The following YBX1 variants were observed in gnomAD, a reference collection of about 807,000 sequenced individuals.
The protein encoded by YBX1 is Y-box binding protein 1.
In YBX1, 3 loss-of-function variants were observed where a neutral mutation model predicts 41.4. That is an observed-to-expected ratio of 0.07 (90% CI 0.03 to 0.19). YBX1 has a LOEUF of 0.19. Among genes scored for constraint, YBX1 ranks in the 10% least tolerant of loss-of-function variants. The probability of loss-of-function intolerance (pLI) is 1.00; values close to 1 mark genes in which losing one functional copy is unlikely to be tolerated. For synonymous variants in YBX1, 133 were observed against 165.8 expected, an observed-to-expected ratio of 0.80 and a Z score of 1.52; for missense variants, 274 against 462.8, an observed-to-expected ratio of 0.59 and a Z score of 3.74.
chr1:42,683,612 G>A (rs1047025760), intron 2 of YBX1, 146 bp downstream of exon 2: 1 of 873,218 alleles, frequency 1.1e-6, no homozygotes, highest in Non-Finnish European at 1.8e-6. Flanking sequence ...ATTTTTTGTT[G>A]TTGTTGTTTT....
At position 42,700,819 on chromosome 1, in the gene YBX1, A is replaced by G. The variant is rs549700721; in HGVS notation, c.779A>G (p.Asn260Ser). 1.2e-6 allele frequency: 2 copies of G among 1,612,318 alleles called. No individual in the cohort carries two copies. The highest frequency in any genetic ancestry group is 2.2e-5 in the East Asian group (1 of 44,864). ...CAAAGACAGCCTAGAGAGGACGGCA[A>G]TGAAGAAGATAAAGAAAATCAAGGA... ...PRQRQPREDG[N>S]EEDKENQGDE... The change falls in exon 7 of 8, where the codon AAT becomes AGT. Residue 260 changes from asparagine (N) to serine (S), a missense_variant. Around this residue, in one of 3 missense-constraint regions of YBX1, gnomAD observed 187 missense variants for 306.3 expected, o/e 0.61. Transcript: ENST00000321358.
At position 42,682,719 on chromosome 1, in the gene YBX1, A is replaced by G; in HGVS notation, c.154A>G (p.Lys52Glu). 1 of 1,237,404 alleles carries G rather than the reference A, an allele frequency of 8.1e-7. No individual in the cohort carries two copies. Among genetic ancestry groups the G allele is most frequent in the Non-Finnish European group, 1.0e-6 (1 of 995,916 alleles). 76.7% of individuals were successfully genotyped at this position (1,237,404 alleles called of 1,614,324 possible). ...ATCGGCGGCGCCTGCCGGCGGGGAC[A>G]AGAAGGTCATCGGTGAGGACCGGAC... ...LTSAAPAGGD[K>E]KVIATKVLGT... The change falls in exon 1 of 8, where the codon AAG becomes GAG. Residue 52 changes from lysine (K) to glutamate (E), a missense_variant. By Grantham distance (56) the Lys-to-Glu change is moderately conservative. Transcript: ENST00000321358.
chr1:42,691,938 CCTCCTAG>C (rs1299364564), intron 2 of YBX1, among the ~76,000 whole-genome samples: 1 of 152,116 alleles, frequency 6.6e-6, no homozygotes, highest in Non-Finnish European at 1.5e-5. Context: ...GTAACCTCCG[CCTCCTAG>C]CTTCAAGCAA....
intron 7 of YBX1, 77 bp downstream of exon 7, chr1:42,701,123 A>G: frequency 1.9e-6 from 2 of 1,049,944 alleles, no homozygotes; most frequent in Non-Finnish European, 2.8e-6. Flanking sequence ...GCAAGAGTAG[A>G]AAAACCTCAG....
chr1:42,682,863 C>A (rs927964461), intron 1 of YBX1, 132 bp downstream of exon 1: 5 of 381,094 alleles, frequency 1.3e-5, no homozygotes, highest in African/African-American at 2.2e-5. Flanking sequence ...GCCCATCCCC[C>A]CCGTCCCCCC....
At chr1:42,688,502 A>G (rs898633038) in intron 2 of YBX1, among the ~76,000 whole-genome samples, 2 of 152,210 alleles carry the variant, frequency 1.3e-5, no homozygotes, top group African/African-American at 4.8e-5. Flanking sequence ...CTGTAGTAAT[A>G]TTGTACTATT....
At chr1:42,685,263 A>C (rs983993345) in intron 2 of YBX1, among the ~76,000 whole-genome samples, 1 of 152,154 alleles carries the variant, frequency 6.6e-6, no homozygotes, top group Non-Finnish European at 1.5e-5. Flanking sequence ...TGTTCATTGA[A>C]TATCTCTATT....
Position 42,703,170 on chromosome 1 carries a change from C to T in YBX1, c.*1221C>T, listed in dbSNP as rs532065098. On this transcript the variant is annotated 3_prime_UTR_variant, in exon 8 of 8. Transcript: ENST00000321358. Reference sequence around the variant, plus strand: ...TGATCTCTTGACCTTGTGATCCGCCCGCCTCAGCCTCCCAAAGTGCTGGGA... The same window carrying T: ...TGATCTCTTGACCTTGTGATCCGCCTGCCTCAGCCTCCCAAAGTGCTGGGA... Among the ~76,000 whole-genome samples the T allele has an allele frequency of 5.6e-4, 85 of 152,200 alleles. No homozygotes were observed. Among genetic ancestry groups the T allele is most frequent in the African/African-American group, 1.8e-3 (76 of 41,532 alleles).
intron 3 of YBX1, among the ~76,000 whole-genome samples, chr1:42,694,644 A>G (rs765792166): frequency 1.3e-5 from 2 of 152,238 alleles, no homozygotes; most frequent in South Asian, 4.1e-4. Context: ...GGAGGAAGCT[A>G]TATCAATTTC....
intron 6 of YBX1, among the ~76,000 whole-genome samples, 190 bp downstream of exon 6, chr1:42,697,452 T>A (rs1158483245): frequency 6.6e-6 from 1 of 152,230 alleles, no homozygotes. Flanking sequence ...TAAATTTTTT[T>A]AGAAAATGAT....
In YBX1 at chr1:42,682,459, C is replaced by T. The variant is rs1446284118; in HGVS notation, c.-107C>T. On this transcript the variant is annotated 5_prime_UTR_variant, in exon 1 of 8. Transcript: ENST00000321358. ...TCGGTAGCGGGAGCGGAGAGCGGAC[C>T]CCAGAGAGCCCTGAGCAGCCCCACC... The T allele has an allele frequency of 3.2e-6, 4 of 1,239,100 alleles. No individual in the cohort carries two copies. The highest frequency in any genetic ancestry group is 4.1e-6 in the Non-Finnish European group (4 of 970,052). 76.8% of individuals were successfully genotyped at this position (1,239,100 alleles called of 1,614,324 possible).
rs1364938926 is a variant in YBX1, at chr1:42,703,401, A to G, written c.*1452A>G. Among the ~76,000 whole-genome samples, 1 of 152,052 alleles carries G rather than the reference A, an allele frequency of 6.6e-6. No homozygotes were observed. Among genetic ancestry groups the G allele is most frequent in the East Asian group, 1.9e-4 (1 of 5,178 alleles). On this transcript the variant is annotated 3_prime_UTR_variant, in exon 8 of 8. Transcript: ENST00000321358. ...AGTAGGCCAGAGTGGCACATCAGGAATCCTGCAGTGCTGTGGAAGTCATCT... is the reference window on the plus strand; with the variant it reads ...AGTAGGCCAGAGTGGCACATCAGGAGTCCTGCAGTGCTGTGGAAGTCATCT...
chr1:42,700,995 G>C lies in YBX1; in HGVS notation c.955G>C (p.Glu319Gln). The C allele has an allele frequency of 1.9e-6, 3 of 1,614,174 alleles. No homozygotes were observed. Among genetic ancestry groups the C allele is most frequent in the Non-Finnish European group, 2.5e-6 (3 of 1,180,038 alleles). ...PAENSSAPEA[E>Q]QGGAE ...TGAGAATTCGTCCGCTCCCGAGGCT[G>C]AGCAGGGCGGGGCTGAGTAAATGCC... The change falls in exon 7 of 8, where the codon GAG becomes CAG. Residue 319 changes from glutamate (E) to glutamine (Q), a missense_variant. Physicochemically the swap from Glu to Gln is conservative, Grantham distance 29. Coordinates refer to ENST00000321358, the MANE Select transcript of YBX1 (RefSeq NM_004559.5).
At chr1:42,701,094 A>G (rs1258313236) in intron 7 of YBX1, 48 bp downstream of exon 7, 8 of 1,429,002 alleles carry the variant, frequency 5.6e-6, no homozygotes, top group African/African-American at 1.4e-5. Context: ...GTGAGTGGTG[A>G]CCATTTCGTT....
chr1:42,696,163 C>T lies in YBX1; in HGVS notation c.265-36C>T. 6.5e-7 allele frequency: 1 copy of T among 1,533,348 alleles called. No homozygotes were observed. Among genetic ancestry groups the T allele is most frequent in the Non-Finnish European group, 8.9e-7 (1 of 1,121,918 alleles). 95.0% of individuals were successfully genotyped at this position (1,533,348 alleles called of 1,614,324 possible). A position where few individuals can be genotyped will look rare whatever the true frequency, so the allele number is the denominator to read the frequency against. On this transcript the variant is annotated intron_variant, in intron 3 of 7. Coordinates refer to ENST00000321358, the MANE Select transcript of YBX1 (RefSeq NM_004559.5). The surrounding 1 kb of genome is among the most constrained non-coding windows in gnomAD (Gnocchi z 5.7). The stretch of plus-strand genomic sequence containing the variant: ...TTAAATGAAAAAGCACATTATTCTC[C>T]CCTGTTAATCTATTTTTGGAATGTG...
At chr1:42,688,508 C>T (rs1050518507) in intron 2 of YBX1, among the ~76,000 whole-genome samples, 2 of 152,198 alleles carry the variant, frequency 1.3e-5, no homozygotes, top group Admixed American at 6.5e-5. Flanking sequence ...TAATATTGTA[C>T]TATTATAATA....
intron 6 of YBX1, among the ~76,000 whole-genome samples, chr1:42,700,450 A>G (rs1353058078): frequency 6.6e-6 from 1 of 152,076 alleles, no homozygotes; most frequent in Non-Finnish European, 1.5e-5. Context: ...AAAATCAGAC[A>G]TTAATGAGAC....
chr1:42,693,093 G>A (rs1650379186), intron 2 of YBX1, among the ~76,000 whole-genome samples: 1 of 152,190 alleles, frequency 6.6e-6, no homozygotes, highest in Non-Finnish European at 1.5e-5. Context: ...GTAGTTGGGA[G>A]ATGCAGGATA....
Position 42,701,672 on chromosome 1 carries a change from A to G in YBX1, c.*32-309A>G, listed in dbSNP as rs1033047201. Among the ~76,000 whole-genome samples the G allele has an allele frequency of 2.0e-5, 3 of 152,240 alleles. No homozygotes were observed. The East Asian group carries it at 5.8e-4, about 29-fold the overall frequency. On this transcript the variant is annotated intron_variant, in intron 7 of 7. Coordinates refer to ENST00000321358, the MANE Select transcript of YBX1 (RefSeq NM_004559.5). ...TAATAATAATTCTCTGGCAGACCAC[A>G]TGATACAATTACGTTCTTGTTACTT...
Sources: gnomAD v4.1 joint callset for allele counts (sites outside exome capture counted in the v4.1 genomes callset) on GRCh38, gnomAD v4.1.1 for gene constraint, gnomAD v4.1.1 regional missense constraint, Gnocchi (gnomAD v3.1) non-coding constraint, MANE v1.5 for transcripts, NCBI Gene and HGNC (gene_info 2026-07-23, HGNC 2026-07-21) for gene names.